CFAP46: variants seen among roughly 807,000 people sequenced by gnomAD.
CFAP46 encodes the protein cilia- and flagella-associated protein 46.
Under a neutral mutation model 325.7 loss-of-function variants are expected in CFAP46, and 245 were observed. That is an observed-to-expected ratio of 0.75 (90% CI 0.68 to 0.84). The LOEUF is 0.84. Among genes scored for constraint, CFAP46 ranks in the 40% least tolerant of loss-of-function variants. The probability of loss-of-function intolerance (pLI) is 0.00; values close to 1 mark genes in which losing one functional copy is unlikely to be tolerated. For synonymous variants in CFAP46, 1,523 were observed against 1,495.9 expected (o/e 1.02, Z -0.42); for missense variants, 3,346 against 3,543.0 (o/e 0.94, Z 1.41).
chr10:132,864,367 TGTCCCCAGTGCCTGAGACCTGCACAC>T lies in CFAP46; in HGVS notation c.4890+1632_4890+1657del, dbSNP rs1208076556. On this transcript the variant is annotated intron_variant, in intron 35 of 57. Coordinates refer to ENST00000368586, the MANE Select transcript of CFAP46 (RefSeq NM_001200049.3). Reference sequence around the variant, plus strand: ...CCAGTGCCTGAGACCTGCACACACCTGTCCCCAGTGCCTGAGACCTGCACACACCTGTCCCCAGTGCCTGAGACATG... The same window carrying T: ...CCAGTGCCTGAGACCTGCACACACCTACCTGTCCCCAGTGCCTGAGACATG... Among the ~76,000 whole-genome samples the T allele has an allele frequency of 2.4e-3, 239 of 100,584 alleles. 5 individuals are homozygous for T. The highest frequency in any genetic ancestry group is 0.011 in the Middle Eastern group (1 of 94). The allele number at this position is 100,584 out of a possible 152,430, so 66.0% of individuals were successfully genotyped here. A position where few individuals can be genotyped will look rare whatever the true frequency, so the allele number is the denominator to read the frequency against.
Position 132,918,451 on chromosome 10 carries a change from C to A in CFAP46, c.1928G>T (p.Arg643Met), listed in dbSNP as rs777171817. 1.3e-6 allele frequency: 2 copies of A among 1,549,234 alleles called. No individual in the cohort carries two copies. Among genetic ancestry groups the A allele is most frequent in the African/African-American group, 2.7e-5 (2 of 73,160 alleles). Reference protein sequence around the residue: ...TWSQPEVVLQRQVCPDLLRKF... With the variant: ...TWSQPEVVLQMQVCPDLLRKF... ...CCGCAGCAGGTCGGGGCACACCTGC[C>A]TCTGCAGGACGACCTCAGGCTGGCT... Residue 643 changes from arginine to methionine, a missense_variant, in exon 16 of 58, where the codon AGG becomes ATG. By Grantham distance (91) the Arg-to-Met change is moderately conservative. Coordinates refer to ENST00000368586, the MANE Select transcript of CFAP46 (RefSeq NM_001200049.3).
In CFAP46 at chr10:132,919,966, C is replaced by T; in HGVS notation, c.1730+93G>A. 1 of 1,402,446 alleles carries T rather than the reference C, an allele frequency of 7.1e-7. No individual in the cohort carries two copies. Among genetic ancestry groups the T allele is most frequent in the South Asian group, 1.6e-5 (1 of 63,844 alleles). 86.9% of individuals were successfully genotyped at this position (1,402,446 alleles called of 1,614,324 possible). A position where few individuals can be genotyped will look rare whatever the true frequency, so the allele number is the denominator to read the frequency against. On this transcript the variant is annotated intron_variant, in intron 14 of 57. Transcript: ENST00000368586. The surrounding 1 kb of genome is among the most constrained non-coding windows in gnomAD (Gnocchi z 9.7). ...TGGCGAGTCCCCAGACGGCCACATG[C>T]AGGGTCAGCTCAGCCGCCACAGACA...
chr10:132,907,238 G>A (rs1371639793), intron 22 of CFAP46, among the ~76,000 whole-genome samples: 2 of 152,254 alleles, frequency 1.3e-5, no homozygotes, highest in African/African-American at 2.4e-5. Context: ...TTAGACCCAG[G>A]AAATTAGCCA....
At chr10:132,927,357 C>T (rs972980045) in intron 9 of CFAP46, among the ~76,000 whole-genome samples, 4 of 150,978 alleles carry the variant, frequency 2.6e-5, no homozygotes, top group Admixed American at 6.6e-5. Flanking sequence ...AGGTCCTCGG[C>T]GGCAGACGCC....
At position 132,907,449 on chromosome 10, in the gene CFAP46, C is replaced by T. The variant is rs553978035; in HGVS notation, c.2924+1019G>A. 4.6e-5 allele frequency among the ~76,000 whole-genome samples: 7 copies of T among 152,304 alleles called. 1 individual carries two copies. In the South Asian group the frequency reaches 1.4e-3, roughly 32 times the overall value. On this transcript the variant is annotated intron_variant, in intron 22 of 57. Transcript: ENST00000368586. ...GTTCTGTGTCCAGCTATGCTGACGA[C>T]GGGGACCTGGCGGCACGGCTGACTC... is the stretch of plus-strand genomic sequence containing the variant.
rs1056741318 is a variant in CFAP46, at chr10:132,869,138, C to T, written c.4610+136G>A. ...CACGACCCAGGAGAACCGGCCACAG[C>T]CGTGTCCCCCAAGTGCTCACTCTCC... On this transcript the variant is annotated intron_variant, in intron 33 of 57. Coordinates refer to ENST00000368586, the MANE Select transcript of CFAP46 (RefSeq NM_001200049.3). This position sits in a 1 kb window ranked among gnomAD's most constrained non-coding sequence, Gnocchi z 6.2. The T allele has an allele frequency of 1.4e-5, 9 of 624,100 alleles. No homozygotes were observed. Among genetic ancestry groups the T allele is most frequent in the Admixed American group, 7.0e-5 (2 of 28,386 alleles). 38.7% of individuals were successfully genotyped at this position (624,100 alleles called of 1,614,324 possible).
At chr10:132,880,004 T>G (rs1233366038) in intron 28 of CFAP46, among the ~76,000 whole-genome samples, 2 of 151,978 alleles carry the variant, frequency 1.3e-5, no homozygotes, top group African/African-American at 2.4e-5. Flanking sequence ...GGGCCCCCAC[T>G]CATCCTGACA....
At chr10:132,820,673 CACTGA>C (rs201970414) in intron 50 of CFAP46, among the ~76,000 whole-genome samples, 1 of 91,920 alleles carries the variant, frequency 1.1e-5, no homozygotes, top group Non-Finnish European at 2.1e-5. Flanking sequence ...GCTGTGTGTG[CACTGA>C]TGTGTGCTGT....
At chr10:132,825,698 G>A (rs1848033812) in intron 50 of CFAP46, among the ~76,000 whole-genome samples, 1 of 152,200 alleles carries the variant, frequency 6.6e-6, no homozygotes, top group Non-Finnish European at 1.5e-5. Context: ...CTGGTACAGA[G>A]AAGACATTTG....
At chr10:132,879,365 C>A in intron 29 of CFAP46, 61 bp downstream of exon 29, 1 of 1,426,440 alleles carries the variant, frequency 7.0e-7, no homozygotes, top group South Asian at 1.5e-5. Context: ...TGCGGTTTCC[C>A]CAGCCCGCGG....
Position 132,912,828 on chromosome 10 carries a change from A to G in CFAP46, c.2334-8T>C. ...ACCAGCATCACGGGGTCCCTGGGAGACATGCTTGTCAGAGGGAACCTTGGC... is the reference window on the plus strand; with the variant it reads ...ACCAGCATCACGGGGTCCCTGGGAGGCATGCTTGTCAGAGGGAACCTTGGC... On this transcript the variant is annotated splice_region_variant and splice_polypyrimidine_tract_variant and intron_variant, in intron 18 of 57. Transcript: ENST00000368586. 6.5e-7 allele frequency: 1 copy of G among 1,547,762 alleles called. No homozygotes were observed. The highest frequency in any genetic ancestry group is 1.4e-5 in the African/African-American group (1 of 73,126).
Position 132,808,795 on chromosome 10 carries a change from C to T in CFAP46, c.7774G>A (p.Val2592Ile). Residue 2592 changes from valine (V) to isoleucine (I), a missense_variant, in exon 58 of 58, where the codon GTA becomes ATA. Coordinates refer to ENST00000368586, the MANE Select transcript of CFAP46 (RefSeq NM_001200049.3). This position sits in a 1 kb window ranked among gnomAD's most constrained non-coding sequence, Gnocchi z 6.8. ...GGGAGGCAGGTCCAGGCCTGCACTA[C>T]CCGATGGCTTGGTGCGGCAGCCCAT... ...PVWAAAPSHR[V>I]VQAWTCLPSA... The T allele has an allele frequency of 1.9e-6, 3 of 1,604,230 alleles. No individual in the cohort carries two copies. The highest frequency in any genetic ancestry group is 2.2e-5 in the South Asian group (2 of 89,568).
At position 132,869,038 on chromosome 10, in the gene CFAP46, G is replaced by C. The variant is rs1218917683; in HGVS notation, c.4610+236C>G. On this transcript the variant is annotated intron_variant, in intron 33 of 57. Coordinates refer to ENST00000368586, the MANE Select transcript of CFAP46 (RefSeq NM_001200049.3). The surrounding 1 kb of genome is among the most constrained non-coding windows in gnomAD (Gnocchi z 6.2). ...CTTTCTGTCCTCCGGGGAGGGGCTCGGGCCACCCTGGAGAGCCCCCCTCAC... is the reference window on the plus strand; with the variant it reads ...CTTTCTGTCCTCCGGGGAGGGGCTCCGGCCACCCTGGAGAGCCCCCCTCAC... Among the ~76,000 whole-genome samples, 1 of 152,180 alleles carries C rather than the reference G, an allele frequency of 6.6e-6. No homozygotes were observed. The highest frequency in any genetic ancestry group is 1.5e-5 in the Non-Finnish European group (1 of 68,026).
intron 50 of CFAP46, among the ~76,000 whole-genome samples, chr10:132,829,264 TAA>T (rs1275113765): frequency 6.6e-6 from 1 of 152,208 alleles, no homozygotes; most frequent in Non-Finnish European, 1.5e-5. Context: ...TATGAGCGTA[TAA>T]AGTCTTGCAC....
In CFAP46 at chr10:132,832,061, A is replaced by G. The variant is rs1394777366; in HGVS notation, c.7117+1297T>C. On this transcript the variant is annotated intron_variant, in intron 50 of 57. Transcript: ENST00000368586. This position sits in a 1 kb window ranked among gnomAD's most constrained non-coding sequence, Gnocchi z 4.1. ...CCCTCTCATCTTTTGTGCTGTCGTC[A>G]TTCATTTCACATTTATGTTATAAAA... Among the ~76,000 whole-genome samples, 1 of 152,126 alleles carries G rather than the reference A, an allele frequency of 6.6e-6. No homozygotes were observed. Among genetic ancestry groups the G allele is most frequent in the Non-Finnish European group, 1.5e-5 (1 of 68,020 alleles).
intron 50 of CFAP46, among the ~76,000 whole-genome samples, chr10:132,824,589 CTGA>C (rs1211899676): frequency 2.0e-5 from 2 of 100,020 alleles, no homozygotes; most frequent in Non-Finnish European, 3.8e-5. Flanking sequence ...TGTGTGAGTG[CTGA>C]TGTGTGCTGT....
At chr10:132,815,857 G>A (rs1028492395) in intron 50 of CFAP46, among the ~76,000 whole-genome samples, 2 of 152,140 alleles carry the variant, frequency 1.3e-5, no homozygotes, top group African/African-American at 4.8e-5. Flanking sequence ...TTTTTGTGCT[G>A]TTCTGGGGCA....
chr10:132,841,362 T>G (rs1460679369), intron 44 of CFAP46, among the ~76,000 whole-genome samples: 3 of 152,344 alleles, frequency 2.0e-5, no homozygotes, highest in South Asian at 2.1e-4. Flanking sequence ...ATTCAGGGAA[T>G]GGTCTCTTCC....
At chr10:132,849,538 G>C (rs555630297) in intron 41 of CFAP46, among the ~76,000 whole-genome samples, 1 of 152,198 alleles carries the variant, frequency 6.6e-6, no homozygotes, top group Non-Finnish European at 1.5e-5. Flanking sequence ...CAAGTGTTTA[G>C]GAAGGTGACC....
Sources: gnomAD v4.1 joint callset for allele counts (sites outside exome capture counted in the v4.1 genomes callset) on GRCh38, gnomAD v4.1.1 for gene constraint, Gnocchi (gnomAD v3.1) non-coding constraint, MANE v1.5 for transcripts, NCBI Gene and HGNC (gene_info 2026-07-23, HGNC 2026-07-21) for gene names.